The following FMN1 variants were observed in gnomAD, a reference collection of about 807,000 sequenced individuals.
FMN1 encodes formin-1.
A neutral mutation model predicts 132.4 loss-of-function variants in FMN1; 110 were observed. The observed-to-expected ratio is 0.83, with a 90% CI of 0.71 to 0.97. FMN1 has a LOEUF of 0.97. FMN1 is among the 50% of genes least tolerant of loss of function. The pLI, the probability that FMN1 is intolerant of heterozygous loss-of-function variation, is 0.00. For missense variants in FMN1, 1,792 were observed against 1,705.3 expected, an observed-to-expected ratio of 1.05 and a Z score of -0.90; for synonymous variants, 722 against 651.7, an observed-to-expected ratio of 1.11 and a Z score of -1.64.
At chr15:32,798,001 A>G (rs1057128207) in intron 19 of FMN1, among the ~76,000 whole-genome samples, 2 of 152,048 alleles carry the variant, frequency 1.3e-5, no homozygotes, top group Non-Finnish European at 2.9e-5. Flanking sequence ...GTCTCCTTCC[A>G]CTCTGTTTTG....
rs140185776 is a variant in FMN1 at position 33,120,944 on chromosome 15, C to T, written c.1868-31970G>A. Among the ~76,000 whole-genome samples the T allele has an allele frequency of 1.8e-3, 281 of 152,270 alleles. 1 individual carries two copies. Among genetic ancestry groups the T allele is most frequent in the African/African-American group, 6.4e-3 (264 of 41,554 alleles). On this transcript the variant is annotated intron_variant, in intron 4 of 20. Coordinates refer to ENST00000616417, the MANE Select transcript of FMN1 (RefSeq NM_001277313.2). ...ACTTATAGTACAGTAAGCCCATCAT[C>T]TTGGATGCAAAGTAAATTCACCTCT... is the stretch of plus-strand genomic sequence containing the variant.
At chr15:32,968,655 A>G in intron 8 of FMN1, 59 bp downstream of exon 8, 1 of 1,602,030 alleles carries the variant, frequency 6.2e-7, no homozygotes, top group Non-Finnish European at 8.5e-7. Flanking sequence ...AGAATAAAAT[A>G]TCACTTGGGC....
chr15:32,807,596 T>C (rs2141022916), intron 17 of FMN1, among the ~76,000 whole-genome samples: 1 of 152,328 alleles, frequency 6.6e-6, no homozygotes, highest in African/African-American at 2.4e-5. Context: ...AAGCTGTGTG[T>C]GCTAAGCAGA....
intron 4 of FMN1, among the ~76,000 whole-genome samples, chr15:33,120,473 G>C (rs1451612208): frequency 6.6e-6 from 1 of 152,138 alleles, no homozygotes; most frequent in African/African-American, 2.4e-5. Flanking sequence ...GCCATCTAGT[G>C]CATGTTTATT....
intron 4 of FMN1, among the ~76,000 whole-genome samples, chr15:33,152,388 C>T (rs550000922): frequency 6.6e-5 from 10 of 152,050 alleles, no homozygotes; most frequent in Admixed American, 1.3e-4. Context: ...AAGATACCTA[C>T]GGAATAAAGT....
chr15:33,033,872 G>A (rs562337284), intron 6 of FMN1, among the ~76,000 whole-genome samples: 1 of 152,098 alleles, frequency 6.6e-6, no homozygotes, highest in African/African-American at 2.4e-5. Context: ...GCTCTATCAC[G>A]CGGCACACTC....
intron 6 of FMN1, among the ~76,000 whole-genome samples, chr15:33,011,277 A>G (rs2034703312): frequency 6.6e-6 from 1 of 152,176 alleles, no homozygotes; most frequent in African/African-American, 2.4e-5. Context: ...TTGATATATG[A>G]TAGAAATAGC....
At chr15:32,795,829 T>G (rs1459284337) in intron 19 of FMN1, among the ~76,000 whole-genome samples, 3 of 152,210 alleles carry the variant, frequency 2.0e-5, no homozygotes, top group Non-Finnish European at 4.4e-5. Flanking sequence ...TTTGCTCTTT[T>G]GCTTAAGATT....
chr15:33,153,886 T>C lies in FMN1; in HGVS notation c.1029A>G (p.Val343=), dbSNP rs1311836106. The C allele has an allele frequency of 3.3e-6, 5 of 1,536,802 alleles. No individual in the cohort carries two copies. In the African/African-American group the frequency reaches 6.8e-5, roughly 21 times the overall value. ...VQDLSSQVQR[V]VKTHSKGKET... is the part of the protein sequence containing the mutation. ...CCTTACCCTTAGAATGCGTTTTAAC[T>C]ACTCTTTGTACCTGGGAGGACAGGT... The change falls in exon 4 of 21, where the codon GTA becomes GTG. Residue 343 remains valine, a synonymous_variant. Transcript: ENST00000616417.
chr15:32,882,482 C>T (rs1409839170), intron 16 of FMN1, among the ~76,000 whole-genome samples: 1 of 152,130 alleles, frequency 6.6e-6, no homozygotes, highest in African/African-American at 2.4e-5. Flanking sequence ...ACACCCTTAA[C>T]CACATTTATA....
chr15:32,820,708 A>G (rs2058187734), intron 17 of FMN1, among the ~76,000 whole-genome samples: 1 of 152,222 alleles, frequency 6.6e-6, no homozygotes, highest in Non-Finnish European at 1.5e-5. Context: ...CTCCACAATG[A>G]TAGTATAATT....
chr15:33,112,758 T>C (rs917402765), intron 4 of FMN1, among the ~76,000 whole-genome samples: 2 of 152,212 alleles, frequency 1.3e-5, no homozygotes, highest in African/African-American at 4.8e-5. Context: ...TTCCCTGTTC[T>C]GCTAGAGATC....
chr15:33,104,579 CCAGT>C (rs796512875), intron 4 of FMN1, among the ~76,000 whole-genome samples: 9 of 152,060 alleles, frequency 5.9e-5, no homozygotes, highest in African/African-American at 2.2e-4. Context: ...TAAGATAGCG[CCAGT>C]CACTGAGAAC....
chr15:32,847,920 A>G (rs542919986), intron 17 of FMN1, among the ~76,000 whole-genome samples: 1 of 152,198 alleles, frequency 6.6e-6, no homozygotes, highest in Non-Finnish European at 1.5e-5. Flanking sequence ...GGAAGAGGTC[A>G]GATCCTGACA....
At chr15:33,018,371 G>A (rs935449051) in intron 6 of FMN1, among the ~76,000 whole-genome samples, 3 of 152,116 alleles carry the variant, frequency 2.0e-5, no homozygotes, top group Non-Finnish European at 2.9e-5. Context: ...TGATTAGAGG[G>A]TTGGGACTTT....
At position 33,121,461 on chromosome 15, in the gene FMN1, T is replaced by C. The variant is rs74689324; in HGVS notation, c.1867+31587A>G. 2.6e-5 allele frequency among the ~76,000 whole-genome samples: 4 copies of C among 152,326 alleles called. No individual in the cohort carries two copies. In the East Asian group the frequency reaches 7.7e-4, roughly 29 times the overall value. On this transcript the variant is annotated intron_variant, in intron 4 of 20. Coordinates refer to ENST00000616417, the MANE Select transcript of FMN1 (RefSeq NM_001277313.2). ...CAGTATTACATGTAGTTCTATATGATACAAAGGTAGAAATCATTTGTCTAT... is the reference window on the plus strand; with the variant it reads ...CAGTATTACATGTAGTTCTATATGACACAAAGGTAGAAATCATTTGTCTAT...
intron 6 of FMN1, among the ~76,000 whole-genome samples, chr15:33,055,999 G>C (rs1478328314): frequency 6.6e-6 from 1 of 152,160 alleles, no homozygotes; most frequent in Admixed American, 6.5e-5. Flanking sequence ...TGGTGATCAA[G>C]GAAACACCAA....
At chr15:32,995,611 C>G (rs1056090775) in intron 7 of FMN1, among the ~76,000 whole-genome samples, 2 of 152,168 alleles carry the variant, frequency 1.3e-5, no homozygotes, top group Admixed American at 6.5e-5. Context: ...ACCATCATTA[C>G]TAAATGATGT....
chr15:33,074,444 G>A (rs574033781), intron 5 of FMN1, among the ~76,000 whole-genome samples: 1 of 152,276 alleles, frequency 6.6e-6, no homozygotes, highest in East Asian at 1.9e-4. Context: ...TCACTAATTG[G>A]TTAAAAAGAA....
Sources: gnomAD v4.1 joint callset for allele counts (sites outside exome capture counted in the v4.1 genomes callset) on GRCh38, gnomAD v4.1.1 for gene constraint, MANE v1.5 for transcripts, NCBI Gene and HGNC (gene_info 2026-07-23, HGNC 2026-07-21) for gene names.